MMP28: variants seen among roughly 807,000 people sequenced by gnomAD.
MMP28 encodes the protein matrix metalloproteinase-28.
In MMP28, 55 loss-of-function variants were observed where a neutral mutation model predicts 60.5. That is an observed-to-expected ratio of 0.91 (90% confidence interval 0.73 to 1.14). The LOEUF (loss-of-function observed/expected upper bound fraction) is 1.14, where lower values mean the gene tolerates loss of function less well. Among genes scored for constraint, MMP28 ranks in the 50% most tolerant of loss-of-function variants. MMP28 has a pLI of 0.00. For missense variants in MMP28, 686 were observed against 738.3 expected, an observed-to-expected ratio of 0.93 and a Z score of 0.82; for synonymous variants, 318 against 312.5, an observed-to-expected ratio of 1.02 and a Z score of -0.18.
Position 35,766,649 on chromosome 17 carries a change from T to A in MMP28, c.1414A>T (p.Arg472Trp). 1 of 1,611,780 alleles carries A rather than the reference T, an allele frequency of 6.2e-7. No homozygotes were observed. The highest frequency in any genetic ancestry group is 8.5e-7 in the Non-Finnish European group (1 of 1,179,278). The change falls in exon 8 of 8, where the codon AGG (arginine) becomes TGG (tryptophan). Residue 472 changes from arginine to tryptophan, a missense_variant. Physicochemically the swap from Arg to Trp is moderately radical, Grantham distance 101. Transcript: ENST00000605424. This position sits in a 1 kb window ranked among gnomAD's most constrained non-coding sequence, Gnocchi z 4.3. Reference protein sequence around the residue: ...IPEEVSGALPRPDGSIIFFRD... With the variant: ...IPEEVSGALPWPDGSIIFFRD... ...AAGAAGATGATGGAGCCATCGGGCC[T>A]CGGCAGGGCGCCGCTGACCTCCTCA...
chr17:35,779,501 C>G, intron 1 of MMP28, 178 bp from the exon 2 acceptor site: 1 of 589,570 alleles, frequency 1.7e-6, no homozygotes, highest in Non-Finnish European at 3.0e-6. Context: ...GGACTCAATT[C>G]CAGGTCACCA....
At chr17:35,773,883 C>A (rs2086247096) in intron 3 of MMP28, among the ~76,000 whole-genome samples, 1 of 152,190 alleles carries the variant, frequency 6.6e-6, no homozygotes, top group Admixed American at 6.5e-5. Flanking sequence ...CTGCCCCCCA[C>A]CATCTCTCTT....
intron 3 of MMP28, among the ~76,000 whole-genome samples, chr17:35,777,590 A>G (rs1555607927): frequency 6.6e-6 from 1 of 152,268 alleles, no homozygotes; most frequent in African/African-American, 2.4e-5. Flanking sequence ...CTATCAGTAA[A>G]AGTAGTCAAC....
intron 1 of MMP28, among the ~76,000 whole-genome samples, chr17:35,781,042 G>A (rs576522912): frequency 6.6e-6 from 1 of 152,306 alleles, no homozygotes; most frequent in South Asian, 2.1e-4. Context: ...GTTCCAGACA[G>A]AGGAAACAGC....
intron 3 of MMP28, among the ~76,000 whole-genome samples, chr17:35,775,998 C>T (rs1740613583): frequency 1.3e-5 from 2 of 152,064 alleles, no homozygotes; most frequent in African/African-American, 4.8e-5. Context: ...CCTCAGCCTC[C>T]CAAGTAGCTG....
At chr17:35,785,028 G>A (rs2086608708) in intron 1 of MMP28, among the ~76,000 whole-genome samples, 1 of 152,128 alleles carries the variant, frequency 6.6e-6, no homozygotes, top group South Asian at 2.1e-4. Context: ...CTTGGTTAGG[G>A]CTGGGACCAC....
chr17:35,759,682 C>T (rs1272812617), intron 2 of MMP28, among the ~76,000 whole-genome samples: 1 of 152,184 alleles, frequency 6.6e-6, no homozygotes, highest in South Asian at 2.1e-4. Flanking sequence ...GCCTGGGTGA[C>T]GGTGAGACTC....
At chr17:35,781,051 GC>G (rs952993579) in intron 1 of MMP28, among the ~76,000 whole-genome samples, 3 of 152,136 alleles carry the variant, frequency 2.0e-5, no homozygotes, top group Admixed American at 1.3e-4. Context: ...AGAGGAAACA[GC>G]AAATCCAAAA....
downstream of MMP28, among the ~76,000 whole-genome samples, chr17:35,763,299 C>T (rs369705059): frequency 3.3e-5 from 5 of 151,694 alleles, no homozygotes; most frequent in East Asian, 2.0e-4. Flanking sequence ...ATTGTGGAGA[C>T]GGGGTCTCAC....
chr17:35,760,364 C>G (rs913671721), intron 2 of MMP28, among the ~76,000 whole-genome samples: 1 of 152,206 alleles, frequency 6.6e-6, no homozygotes, highest in Non-Finnish European at 1.5e-5. Context: ...GCTATACCAG[C>G]CTGGTACCCG....
intron 1 of MMP28, among the ~76,000 whole-genome samples, chr17:35,792,498 A>T (rs1274272520): frequency 2.0e-5 from 3 of 152,218 alleles, no homozygotes; most frequent in Admixed American, 6.5e-5. Flanking sequence ...GAATGGAGAC[A>T]AGCTGCACTG....
At chr17:35,771,574 G>A (rs554104174) in intron 4 of MMP28, among the ~76,000 whole-genome samples, 10 of 149,072 alleles carry the variant, frequency 6.7e-5, no homozygotes, top group Non-Finnish European at 1.2e-4. Flanking sequence ...AGTTCATCAG[G>A]CTAAACTTGA....
At chr17:35,791,892 G>GA (rs954124759) in intron 1 of MMP28, among the ~76,000 whole-genome samples, 1 of 152,118 alleles carries the variant, frequency 6.6e-6, no homozygotes, top group African/African-American at 2.4e-5. Context: ...AGACTTATGG[G>GA]AACCCCCTTC....
Position 35,795,340 on chromosome 17 carries a change from T to G in MMP28, c.38A>C (p.Gln13Pro), listed in dbSNP as rs754833581. ...ARVGLLLRALQLLLWGHLDAQ... is the reference protein window; with the variant it reads ...ARVGLLLRALPLLLWGHLDAQ... The stretch of plus-strand genomic sequence containing the variant: ...GTCCAGGTGGCCCCACAGTAGCAGC[T>G]GCAGGGCGCGCAGCAGGAGGCCGAC... The change falls in exon 1 of 8, where the codon CAG becomes CCG. Residue 13 changes from glutamine to proline, a missense_variant. Coordinates refer to ENST00000605424, the MANE Select transcript of MMP28 (RefSeq NM_024302.5). 2.3e-5 allele frequency: 33 copies of G among 1,463,882 alleles called. No individual in the cohort carries two copies. In the South Asian group the frequency reaches 4.0e-4, roughly 18 times the overall value. 90.7% of individuals were successfully genotyped at this position (1,463,882 alleles called of 1,614,324 possible).
chr17:35,781,625 C>T (rs935144371), intron 1 of MMP28, among the ~76,000 whole-genome samples: 7 of 152,150 alleles, frequency 4.6e-5, no homozygotes, highest in Admixed American at 6.5e-5. Context: ...TTTGGGCAGA[C>T]GATGCACTTG....
chr17:35,770,204 A>G lies in MMP28; in HGVS notation c.713T>C (p.Leu238Pro). 1 of 1,603,524 alleles carries G rather than the reference A, an allele frequency of 6.2e-7. No homozygotes were observed. Among genetic ancestry groups the G allele is most frequent in the East Asian group, 2.2e-5 (1 of 44,692 alleles). The change falls in exon 5 of 8, where the codon CTG becomes CCG. Residue 238 changes from leucine (L) to proline (P), a missense_variant. Physicochemically the swap from Leu to Pro is moderately conservative, Grantham distance 98. Transcript: ENST00000605424. The stretch of plus-strand genomic sequence containing the variant: ...AAGCGTGTGACCGATCTCGTGCGCC[A>G]GCACCACGAACAGGTTGCGCCCGCG... ...RRRGRNLFVV[L>P]AHEIGHTLGL...
At position 35,767,928 on chromosome 17, in the gene MMP28, A is replaced by G; in HGVS notation, c.1001-9T>C. The G allele has an allele frequency of 6.4e-7, 1 of 1,565,890 alleles. No homozygotes were observed. The highest frequency in any genetic ancestry group is 8.7e-7 in the Non-Finnish European group (1 of 1,155,892). Reference sequence around the variant, plus strand: ...CAGTTGCTGTTGCCTGTCTGCCCAGAGACAAGAGAGAGTTGAGGAGTGACC... The same window carrying G: ...CAGTTGCTGTTGCCTGTCTGCCCAGGGACAAGAGAGAGTTGAGGAGTGACC... On this transcript the variant is annotated splice_polypyrimidine_tract_variant and intron_variant, in intron 6 of 7. Transcript: ENST00000605424.
chr17:35,778,168 A>G (rs1489558995), intron 3 of MMP28, among the ~76,000 whole-genome samples: 2 of 152,222 alleles, frequency 1.3e-5, no homozygotes, highest in African/African-American at 4.8e-5. Context: ...AAAGAAAGAA[A>G]CAAAATAAAG....
intron 2 of MMP28, among the ~76,000 whole-genome samples, chr17:35,760,012 A>AT: frequency 6.6e-6 from 1 of 152,266 alleles, no homozygotes; most frequent in East Asian, 1.9e-4. Context: ...CCTTGTGACT[A>AT]CGAGATTCCT....
Sources: gnomAD v4.1 joint callset for allele counts (sites outside exome capture counted in the v4.1 genomes callset) on GRCh38, gnomAD v4.1.1 for gene constraint, Gnocchi (gnomAD v3.1) non-coding constraint, MANE v1.5 for transcripts, NCBI Gene and HGNC (gene_info 2026-07-23, HGNC 2026-07-21) for gene names.